Variants in CDK14 observed in about 807,000 individuals in gnomAD.
CDK14 encodes the protein cyclin dependent kinase 14.
A neutral mutation model predicts 60.7 loss-of-function variants in CDK14; 34 were observed. The ratio of observed to expected loss-of-function variants is 0.56; its 90% confidence interval spans 0.43 to 0.75. The LOEUF is 0.75. Among genes scored for constraint, CDK14 ranks in the 30% least tolerant of loss-of-function variants. The probability of loss-of-function intolerance (pLI) is 0.00; values close to 1 mark genes in which losing one functional copy is unlikely to be tolerated. For missense variants in CDK14, 482 were observed against 564.1 expected, an observed-to-expected ratio of 0.85 and a Z score of 1.47; for synonymous variants, 197 against 203.7, an observed-to-expected ratio of 0.97 and a Z score of 0.28.
At chr7:90,898,804 A>G (rs1187539888) in intron 6 of CDK14, among the ~76,000 whole-genome samples, 1 of 151,954 alleles carries the variant, frequency 6.6e-6, no homozygotes, top group African/African-American at 2.4e-5. Flanking sequence ...AGTTCTAGAA[A>G]CCTGAAAATT....
rs954151118 is a variant in CDK14, at chr7:90,609,436, G to C, written c.123+5187G>C. 3.9e-5 allele frequency among the ~76,000 whole-genome samples: 6 copies of C among 152,202 alleles called. No homozygotes were observed. The South Asian group carries it at 8.3e-4, about 21-fold the overall frequency. On this transcript the variant is annotated intron_variant, in intron 2 of 14. Coordinates refer to ENST00000380050, the MANE Select transcript of CDK14 (RefSeq NM_001287135.2). ...TGGTGGGAGGTGATTGGATTGTGGG[G>C]GTGGATCCTTCTTGAATGATTTAGA... is the stretch of plus-strand genomic sequence containing the variant.
At position 90,627,610 on chromosome 7, in the gene CDK14, G is replaced by A. The variant is rs116645610; in HGVS notation, c.123+23361G>A. Among the ~76,000 whole-genome samples, 474 of 152,284 alleles carry A rather than the reference G, an allele frequency of 3.1e-3. 5 individuals carry two copies. The highest frequency in any genetic ancestry group is 0.011 in the African/African-American group (452 of 41,560). Reference sequence around the variant, plus strand: ...TCAAAGTGGCCTAGAAAAGAGACATGAATCTGGCCTCATGTCTTTGCTCAT... The same window carrying A: ...TCAAAGTGGCCTAGAAAAGAGACATAAATCTGGCCTCATGTCTTTGCTCAT... On this transcript the variant is annotated intron_variant, in intron 2 of 14. Transcript: ENST00000380050.
At chr7:90,988,354 A>G (rs1457561122) in intron 10 of CDK14, among the ~76,000 whole-genome samples, 2 of 152,188 alleles carry the variant, frequency 1.3e-5, no homozygotes, top group Admixed American at 1.3e-4. Flanking sequence ...TGGAATTTTG[A>G]TGAATTATAT....
chr7:90,812,287 A>G (rs1362818243), intron 5 of CDK14, among the ~76,000 whole-genome samples: 1 of 152,262 alleles, frequency 6.6e-6, no homozygotes, highest in African/African-American at 2.4e-5. Flanking sequence ...CTATGCAGCT[A>G]TAAAAAATGA....
At chr7:90,759,841 C>G (rs1235097744) in intron 4 of CDK14, among the ~76,000 whole-genome samples, 2 of 152,178 alleles carry the variant, frequency 1.3e-5, no homozygotes. Context: ...ACTAAGTTGT[C>G]CCACAGATGA....
intron 5 of CDK14, among the ~76,000 whole-genome samples, chr7:90,838,063 G>A (rs917710495): frequency 2.0e-5 from 3 of 152,218 alleles, no homozygotes; most frequent in East Asian, 3.9e-4. Context: ...GTCGAGTGTT[G>A]CAGGAAGTCA....
At chr7:90,620,473 G>T (rs754586453) in intron 2 of CDK14, among the ~76,000 whole-genome samples, 10 of 152,066 alleles carry the variant, frequency 6.6e-5, no homozygotes, top group African/African-American at 2.2e-4. Context: ...GTGCAAGAGC[G>T]CTGGAATCTC....
chr7:91,014,940 A>G (rs1421894181), intron 10 of CDK14, among the ~76,000 whole-genome samples: 1 of 152,128 alleles, frequency 6.6e-6, no homozygotes, highest in Non-Finnish European at 1.5e-5. Flanking sequence ...ATGAAAATTC[A>G]TATTGCTTGC....
rs546512141 is a variant in CDK14, at chr7:90,751,597, A to G, written c.464+3822A>G. ...AAGTACATGGCCCACAGATTCTGTAAAGGCACTATACAATAGAAACTATAA... is the reference window on the plus strand; with the variant it reads ...AAGTACATGGCCCACAGATTCTGTAGAGGCACTATACAATAGAAACTATAA... On this transcript the variant is annotated intron_variant, in intron 4 of 14. Coordinates refer to ENST00000380050, the MANE Select transcript of CDK14 (RefSeq NM_001287135.2). 5.3e-5 allele frequency among the ~76,000 whole-genome samples: 8 copies of G among 152,348 alleles called. No individual in the cohort carries two copies. The South Asian group carries it at 1.7e-3, about 32-fold the overall frequency.
intron 7 of CDK14, among the ~76,000 whole-genome samples, chr7:90,909,110 G>T (rs1022526631): frequency 6.6e-6 from 1 of 152,132 alleles, no homozygotes; most frequent in Non-Finnish European, 1.5e-5. Context: ...AGTAGCATAA[G>T]TTCCCAAATG....
In CDK14 at chr7:90,958,523, G is replaced by C. The variant is rs1019512126; in HGVS notation, c.947+2706G>C. Among the ~76,000 whole-genome samples the C allele has an allele frequency of 2.0e-5, 3 of 152,022 alleles. No individual in the cohort carries two copies. In the South Asian group the frequency reaches 6.2e-4, roughly 32 times the overall value. ...TTTTGTCACACTTCCTGGCTTTTTT[G>C]GGGGGATGGTTGTTTACACAGTTAG... On this transcript the variant is annotated intron_variant, in intron 9 of 14. Transcript: ENST00000380050.
intron 11 of CDK14, among the ~76,000 whole-genome samples, chr7:91,057,684 T>G (rs1797626363): frequency 6.6e-6 from 1 of 152,250 alleles, no homozygotes; most frequent in Non-Finnish European, 1.5e-5. Flanking sequence ...ATTTCTTCTT[T>G]TTGTCAGGTT....
intron 6 of CDK14, among the ~76,000 whole-genome samples, chr7:90,874,097 A>G (rs1791468569): frequency 6.6e-6 from 1 of 152,032 alleles, no homozygotes; most frequent in African/African-American, 2.4e-5. Flanking sequence ...TGCCTGGTGT[A>G]TCTTTCCTGA....
chr7:90,939,231 G>A (rs1793842765), intron 8 of CDK14, among the ~76,000 whole-genome samples: 1 of 152,188 alleles, frequency 6.6e-6, no homozygotes. Flanking sequence ...TTAAGGACAA[G>A]TTATTTGGAC....
intron 2 of CDK14, among the ~76,000 whole-genome samples, chr7:90,633,389 T>C (rs966208013): frequency 6.6e-6 from 1 of 152,210 alleles, no homozygotes; most frequent in Non-Finnish European, 1.5e-5. Flanking sequence ...CATGGTAAAA[T>C]TTCTTAGATA....
intron 13 of CDK14, among the ~76,000 whole-genome samples, chr7:91,113,450 G>A (rs1255524335): frequency 1.3e-5 from 2 of 152,128 alleles, no homozygotes; most frequent in East Asian, 3.8e-4. Flanking sequence ...TGGCTGGGAG[G>A]ATCTCAGATT....
chr7:90,810,873 C>G (rs543750257), intron 5 of CDK14, among the ~76,000 whole-genome samples: 3 of 151,962 alleles, frequency 2.0e-5, no homozygotes, highest in Admixed American at 2.0e-4. Flanking sequence ...ACAATTGCTT[C>G]AAAGAGAATA....
chr7:90,665,167 C>T (rs1456243646), intron 2 of CDK14, among the ~76,000 whole-genome samples: 1 of 151,824 alleles, frequency 6.6e-6, no homozygotes, highest in African/African-American at 2.4e-5. Flanking sequence ...CGCCTGTAGT[C>T]CCAGCTACTC....
chr7:90,924,993 G>C (rs1425581587), intron 8 of CDK14, among the ~76,000 whole-genome samples: 2 of 151,994 alleles, frequency 1.3e-5, no homozygotes, highest in African/African-American at 2.4e-5. Context: ...AACCAATTAA[G>C]AACTAATGGT....
Sources: allele counts gnomAD v4.1 joint callset (sites outside exome capture counted in the v4.1 genomes callset), GRCh38; gene constraint gnomAD v4.1.1; transcripts MANE v1.5; gene names NCBI Gene and HGNC (gene_info 2026-07-23, HGNC 2026-07-21).